The following OPRK1 variants were observed in gnomAD, a reference collection of about 807,000 sequenced individuals.
The protein encoded by OPRK1 is opioid receptor kappa 1, also known as kappa-type opioid receptor.
OPRK1 carries 15 observed loss-of-function variants against 24.5 expected under a neutral mutation model. The observed-to-expected ratio is 0.61, with a 90% CI of 0.41 to 0.94. The LOEUF (loss-of-function observed/expected upper bound fraction) is 0.94, where lower values mean the gene tolerates loss of function less well. Among genes scored for constraint, OPRK1 ranks in the 40% least tolerant of loss-of-function variants. The pLI is 0.00. For missense variants in OPRK1, 479 were observed against 507.3 expected (o/e 0.94, Z 0.54); for synonymous variants, 205 against 198.0 (o/e 1.04, Z -0.30).
rs200627799 is a variant in OPRK1 at position 53,251,610 on chromosome 8, C to G, written c.-211G>C. ...CTGCTGTTCCGCCGAGCGCAGCCCC[C>G]GCCTCTCAGCGCACGTCTCCCACTA... On this transcript the variant is annotated 5_prime_UTR_variant, in exon 1 of 4. Transcript: ENST00000265572. 6.6e-6 allele frequency: 1 copy of G among 152,234 alleles called. No homozygotes were observed. The highest frequency in any genetic ancestry group is 1.5e-5 in the Non-Finnish European group (1 of 68,048). 9.4% of individuals were successfully genotyped at this position (152,234 alleles called of 1,614,324 possible).
rs1806780102 is a variant in OPRK1, at chr8:53,228,867, T to G, written c.*430A>C. The G allele has an allele frequency of 6.2e-6, 1 of 161,402 alleles. No homozygotes were observed. Among genetic ancestry groups the G allele is most frequent in the Non-Finnish European group, 1.4e-5 (1 of 73,498 alleles). The allele number at this position is 161,402 out of a possible 1,614,324, so 10.0% of individuals were successfully genotyped here. A position where few individuals can be genotyped will look rare whatever the true frequency, so the allele number is the denominator to read the frequency against. On this transcript the variant is annotated 3_prime_UTR_variant, in exon 4 of 4. Transcript: ENST00000265572. ...TAGTTCCCATTCCGTTGGAGGTTGT[T>G]GCTGTCATTGTGAAACATCTGGATT...
At chr8:53,243,377 T>C (rs62505383) in intron 2 of OPRK1, among the ~76,000 whole-genome samples, 1,749 of 152,334 alleles carry the variant, frequency 0.011, 12 homozygotes, top group Non-Finnish European at 0.02. Context: ...AAATTCCTTC[T>C]GAAACTAACT....
rs546459906 is a variant in OPRK1, at chr8:53,234,182, CAAA to C, written c.610+574_610+576del. 1.9e-3 allele frequency among the ~76,000 whole-genome samples: 123 copies of C among 65,334 alleles called. 6 individuals carry two copies. The highest frequency in any genetic ancestry group is 6.3e-3 in the African/African-American group (78 of 12,460). The allele number at this position is 65,334 out of a possible 152,430, so 42.9% of individuals were successfully genotyped here. On this transcript the variant is annotated intron_variant, in intron 3 of 3. Transcript: ENST00000265572. ...CTGGCAACAGAGCAAGACTCTCTCT[CAAA>C]AAAAAAAAAAAAAAAAAATCAGTTG...
chr8:53,232,266 T>C (rs1004226153), intron 3 of OPRK1, among the ~76,000 whole-genome samples: 1 of 151,774 alleles, frequency 6.6e-6, no homozygotes, highest in Non-Finnish European at 1.5e-5. Flanking sequence ...GAGGGGGATA[T>C]ACAGGGGTTG....
rs201801455 is a variant in OPRK1, at chr8:53,226,863, T to C, written c.*2434A>G. The stretch of plus-strand genomic sequence containing the variant: ...ACCCCTTGTGGGCACATACAGCTAC[T>C]ATTCTCTCCTTGGGCTGCAGACTTA... On this transcript the variant is annotated 3_prime_UTR_variant, in exon 4 of 4. Coordinates refer to ENST00000265572, the MANE Select transcript of OPRK1 (RefSeq NM_000912.5). The C allele has an allele frequency of 2.6e-5, 4 of 152,226 alleles. No homozygotes were observed. Among genetic ancestry groups the C allele is most frequent in the Admixed American group, 1.3e-4 (2 of 15,284 alleles). 9.4% of individuals were successfully genotyped at this position (152,226 alleles called of 1,614,324 possible).
Position 53,240,191 on chromosome 8 carries a change from G to A in OPRK1, c.258-5080C>T, listed in dbSNP as rs552047453. Among the ~76,000 whole-genome samples the A allele has an allele frequency of 9.3e-4, 142 of 152,212 alleles. 1 individual carries two copies. Among genetic ancestry groups the A allele is most frequent in the Non-Finnish European group, 1.5e-3 (105 of 68,010 alleles). On this transcript the variant is annotated intron_variant, in intron 2 of 3. Coordinates refer to ENST00000265572, the MANE Select transcript of OPRK1 (RefSeq NM_000912.5). ...TCCATAGGCCCATTTTTGGGGGTGG[G>A]GAAACTGAGTTAAAAGGGAGTAGGT... is the stretch of plus-strand genomic sequence containing the variant.
At chr8:53,236,172 A>G (rs752081096) in intron 2 of OPRK1, among the ~76,000 whole-genome samples, 1 of 152,252 alleles carries the variant, frequency 6.6e-6, no homozygotes, top group African/African-American at 2.4e-5. Context: ...ATGATAGAAC[A>G]GAACAGCTCT....
chr8:53,236,127 T>C, intron 2 of OPRK1, among the ~76,000 whole-genome samples: 1 of 152,186 alleles, frequency 6.6e-6, no homozygotes, highest in Admixed American at 6.5e-5. Context: ...ATTTGATACA[T>C]GAATTTCCAC....
intron 2 of OPRK1, chr8:53,242,486 T>C (rs1228552155): frequency 6.2e-6 from 1 of 162,042 alleles, no homozygotes; most frequent in Non-Finnish European, 1.4e-5. Flanking sequence ...TCTGACTGCA[T>C]GTAACTAACT....
intron 2 of OPRK1, among the ~76,000 whole-genome samples, chr8:53,245,232 G>A (rs1351981999): frequency 6.6e-6 from 1 of 152,156 alleles, no homozygotes; most frequent in Non-Finnish European, 1.5e-5. Context: ...GCTTTAAAGA[G>A]ATAATTAAGG....
chr8:53,229,064 C>T lies in OPRK1; in HGVS notation c.*233G>A. ...TTCATCAGAGGAACTGAGGCTCTGC[C>T]TCGCTTCTGTGCCCTAGAGAAGAGG... On this transcript the variant is annotated 3_prime_UTR_variant, in exon 4 of 4. Coordinates refer to ENST00000265572, the MANE Select transcript of OPRK1 (RefSeq NM_000912.5). 2.2e-6 allele frequency: 1 copy of T among 458,636 alleles called. No homozygotes were observed. The highest frequency in any genetic ancestry group is 3.9e-6 in the Non-Finnish European group (1 of 259,040). The allele number at this position is 458,636 out of a possible 1,614,324, so 28.4% of individuals were successfully genotyped here. A position where few individuals can be genotyped will look rare whatever the true frequency, so the allele number is the denominator to read the frequency against.
intron 2 of OPRK1, chr8:53,242,883 G>T: frequency 7.8e-7 from 1 of 1,287,386 alleles, no homozygotes; most frequent in Non-Finnish European, 1.0e-6. Context: ...TTCATCACAT[G>T]GTTTTGTCGT....
rs1457951130 is a variant in OPRK1 at position 53,251,613 on chromosome 8, C to G, written c.-214G>C. Reference sequence around the variant, plus strand: ...CTGTTCCGCCGAGCGCAGCCCCCGCCTCTCAGCGCACGTCTCCCACTACTG... The same window carrying G: ...CTGTTCCGCCGAGCGCAGCCCCCGCGTCTCAGCGCACGTCTCCCACTACTG... On this transcript the variant is annotated 5_prime_UTR_variant, in exon 1 of 4. Transcript: ENST00000265572. 4 of 152,256 alleles carry G rather than the reference C, an allele frequency of 2.6e-5. No homozygotes were observed. Among genetic ancestry groups the G allele is most frequent in the African/African-American group, 9.6e-5 (4 of 41,466 alleles). The allele number at this position is 152,256 out of a possible 1,614,324, so 9.4% of individuals were successfully genotyped here.
intron 3 of OPRK1, among the ~76,000 whole-genome samples, chr8:53,231,714 T>G (rs1338883480): frequency 1.3e-5 from 2 of 152,204 alleles, no homozygotes; most frequent in African/African-American, 4.8e-5. Flanking sequence ...ATGTGGTGCA[T>G]AAACAGAATA....
Position 53,234,811 on chromosome 8 carries a change from C to T in OPRK1, c.558G>A (p.Ser186=), listed in dbSNP as rs200269505. 30 of 1,614,158 alleles carry T rather than the reference C, an allele frequency of 1.9e-5. No individual in the cohort carries two copies. Among genetic ancestry groups the T allele is most frequent in the Non-Finnish European group, 2.3e-5 (27 of 1,180,024 alleles). Residue 186 remains serine, a synonymous_variant, in exon 3 of 4, where the codon TCG becomes TCA. Coordinates refer to ENST00000265572, the MANE Select transcript of OPRK1 (RefSeq NM_000912.5). ...CTATTGCAGAGATGCCAACAGATGA[C>T]GACAGCAGCCAGATGCAGATATTGA... ...KIINICIWLL[S]SSVGISAIVL... is the part of the protein sequence containing the mutation.
At position 53,229,597 on chromosome 8, in the gene OPRK1, T is replaced by C. The variant is rs702764; in HGVS notation, c.843A>G (p.Ala281=). Residue 281 remains alanine, a synonymous_variant, in exon 4 of 4, where the codon GCA becomes GCG. Coordinates refer to ENST00000265572, the MANE Select transcript of OPRK1 (RefSeq NM_000912.5). ...TGGGAGTCCAGCAGACGACGAAGAC[T>C]GCCACCACCACCAGGACCAGTCTGG... ...RITRLVLVVV[A]VFVVCWTPIH... 246,993 of 1,613,832 alleles carry C rather than the reference T, an allele frequency of 0.15. 24,604 individuals carry two copies. The highest frequency in any genetic ancestry group is 0.49 in the African/African-American group (36,810 of 74,874).
At position 53,229,833 on chromosome 8, in the gene OPRK1, G is replaced by C. The variant is rs1216608223; in HGVS notation, c.611-4C>G. On this transcript the variant is annotated splice_region_variant and splice_polypyrimidine_tract_variant and intron_variant, in intron 3 of 3. Coordinates refer to ENST00000265572, the MANE Select transcript of OPRK1 (RefSeq NM_000912.5). Reference sequence around the variant, plus strand: ...GAGCACTCAATGACATCGACGTCTGGAGGAGGGCAATAAAAACCACAACAC... The same window carrying C: ...GAGCACTCAATGACATCGACGTCTGCAGGAGGGCAATAAAAACCACAACAC... The C allele has an allele frequency of 6.5e-7, 1 of 1,537,570 alleles. No homozygotes were observed. Among genetic ancestry groups the C allele is most frequent in the Non-Finnish European group, 8.7e-7 (1 of 1,144,022 alleles).
In OPRK1 at chr8:53,229,169, T is replaced by G; in HGVS notation, c.*128A>C. 1 of 1,170,528 alleles carries G rather than the reference T, an allele frequency of 8.5e-7. No homozygotes were observed. The highest frequency in any genetic ancestry group is 1.2e-6 in the Non-Finnish European group (1 of 849,172). The allele number at this position is 1,170,528 out of a possible 1,614,324, so 72.5% of individuals were successfully genotyped here. ...GTCTGCATCTGATGACTTCAGACCA[T>G]GAGATCTCTAAAAGTTTATTTTAAA... is the stretch of plus-strand genomic sequence containing the variant. On this transcript the variant is annotated 3_prime_UTR_variant, in exon 4 of 4. Transcript: ENST00000265572.
chr8:53,238,448 T>A, intron 2 of OPRK1: 1 of 762,380 alleles, frequency 1.3e-6, no homozygotes, highest in Non-Finnish European at 1.6e-6. Flanking sequence ...ACTGACAACA[T>A]AACAGACCTG....
Sources: allele counts gnomAD v4.1 joint callset (sites outside exome capture counted in the v4.1 genomes callset), GRCh38; gene constraint gnomAD v4.1.1; transcripts MANE v1.5; gene names NCBI Gene and HGNC (gene_info 2026-07-23, HGNC 2026-07-21).